CHDH: variants seen among roughly 807,000 people sequenced by gnomAD.
CHDH encodes choline dehydrogenase, also known as choline dehydrogenase, mitochondrial.
CHDH carries 43 observed loss-of-function variants against 56.9 expected under a neutral mutation model. That is an observed-to-expected ratio of 0.76 (90% CI 0.59 to 0.97). CHDH has a LOEUF of 0.97. Among genes scored for constraint, CHDH ranks in the 50% least tolerant of loss-of-function variants. The pLI is 0.00. For synonymous variants in CHDH, 364 were observed against 348.5 expected (o/e 1.04, Z -0.50); for missense variants, 816 against 821.1 (o/e 0.99, Z 0.08).
intron 1 of CHDH, among the ~76,000 whole-genome samples, chr3:53,844,062 G>T (rs1698766298): frequency 6.6e-6 from 1 of 152,168 alleles, no homozygotes; most frequent in African/African-American, 2.4e-5. Flanking sequence ...ACCTCCAGTT[G>T]TGGCTACAGG....
Position 53,823,999 on chromosome 3 carries a change from G to T in CHDH, c.10C>A (p.Leu4Ile). MWC[L>I]LRGLGRPGAL... ...CCAGGCCGGCCCAGGCCTCGTAGGA[G>T]ACACCACATGCTTCTATCTAGTCCA... Residue 4 changes from leucine to isoleucine, a missense_variant, in exon 3 of 9, where the codon CTC (leucine) becomes ATC (isoleucine). Physicochemically the swap from Leu to Ile is conservative, Grantham distance 5. Coordinates refer to ENST00000315251, the MANE Select transcript of CHDH (RefSeq NM_018397.5). The T allele has an allele frequency of 2.0e-6, 3 of 1,481,718 alleles. No homozygotes were observed. The highest frequency in any genetic ancestry group is 2.7e-6 in the Non-Finnish European group (3 of 1,126,096). 91.8% of individuals were successfully genotyped at this position (1,481,718 alleles called of 1,614,324 possible). A position where few individuals can be genotyped will look rare whatever the true frequency, so the allele number is the denominator to read the frequency against.
chr3:53,839,223 C>A (rs1179642829), intron 2 of CHDH, among the ~76,000 whole-genome samples: 1 of 152,220 alleles, frequency 6.6e-6, no homozygotes, highest in African/African-American at 2.4e-5. Flanking sequence ...TATAAAACAT[C>A]CTTGCCCAAA....
At chr3:53,838,003 G>A (rs112186512) in intron 2 of CHDH, among the ~76,000 whole-genome samples, 7,755 of 131,638 alleles carry the variant, frequency 0.059, 731 homozygotes, top group African/African-American at 0.2. Flanking sequence ...GTTGCCATGA[G>A]CCAAGATCGT....
intron 1 of CHDH, among the ~76,000 whole-genome samples, chr3:53,843,187 C>G (rs116147287): frequency 9.1e-5 from 2 of 21,872 alleles, no homozygotes; most frequent in East Asian, 3.2e-3. Context: ...TCCCCCCCCA[C>G]CTTTTTTTTT....
At chr3:53,820,373 C>G (rs555617308) in intron 6 of CHDH, 101 bp downstream of exon 6, 5 of 1,381,250 alleles carry the variant, frequency 3.6e-6, no homozygotes, top group Admixed American at 2.3e-5. Flanking sequence ...GGCATAGTTC[C>G]GCATCAAACC....
At chr3:53,836,303 C>T (rs1473978877) in intron 2 of CHDH, among the ~76,000 whole-genome samples, 2 of 152,202 alleles carry the variant, frequency 1.3e-5, no homozygotes, top group African/African-American at 2.4e-5. Context: ...CCTCATGGCC[C>T]CCCAGGCCCT....
intron 1 of CHDH, among the ~76,000 whole-genome samples, chr3:53,845,765 G>T (rs1371274625): frequency 6.6e-6 from 1 of 152,210 alleles, no homozygotes; most frequent in African/African-American, 2.4e-5. Context: ...GACGGCTTCC[G>T]CTTTGGGAGC....
chr3:53,843,027 C>A (rs2106989526), intron 1 of CHDH, among the ~76,000 whole-genome samples: 1 of 152,276 alleles, frequency 6.6e-6, no homozygotes, highest in South Asian at 2.1e-4. Context: ...CTGGAAAATT[C>A]CACCTGTGTG....
chr3:53,835,774 G>A (rs1477894347), intron 2 of CHDH, among the ~76,000 whole-genome samples: 5 of 152,162 alleles, frequency 3.3e-5, no homozygotes, highest in Non-Finnish European at 5.9e-5. Flanking sequence ...ACGTCACATG[G>A]GTTATCACAT....
rs1284336141 is a variant in CHDH at position 53,823,493 on chromosome 3, G to A, written c.516C>T (p.Gly172=). The A allele has an allele frequency of 1.9e-6, 3 of 1,544,258 alleles. No individual in the cohort carries two copies. The highest frequency in any genetic ancestry group is 2.6e-6 in the Non-Finnish European group (3 of 1,146,118). ...GGTACCGGCTGGCGCCCAGCTCGTG[G>A]CCCTGCGCCTTGCGGAAGTAGGGCA... ...HCLPYFRKAQ[G]HELGASRYRG... is the part of the protein sequence containing the mutation. The change falls in exon 3 of 9, where the codon GGC becomes GGT. Residue 172 remains glycine (G), a synonymous_variant. Coordinates refer to ENST00000315251, the MANE Select transcript of CHDH (RefSeq NM_018397.5).
chr3:53,828,344 G>T (rs1698219045), intron 2 of CHDH, among the ~76,000 whole-genome samples: 1 of 152,144 alleles, frequency 6.6e-6, no homozygotes, highest in Admixed American at 6.5e-5. Flanking sequence ...GCTTGACGAT[G>T]ACTTTATATA....
At chr3:53,822,754 C>A in intron 3 of CHDH, 112 bp from the exon 4 acceptor site, 1 of 1,334,854 alleles carries the variant, frequency 7.5e-7, no homozygotes, top group South Asian at 1.4e-5. Context: ...GACTGCAAGT[C>A]CCGCCTTCAA....
intron 2 of CHDH, among the ~76,000 whole-genome samples, chr3:53,835,916 G>A (rs1698478514): frequency 6.6e-6 from 1 of 152,146 alleles, no homozygotes; most frequent in Admixed American, 6.5e-5. Flanking sequence ...CAAAGGCTGG[G>A]ACCCCCTCCA....
At chr3:53,843,446 G>A (rs377238597) in intron 1 of CHDH, among the ~76,000 whole-genome samples, 2 of 152,078 alleles carry the variant, frequency 1.3e-5, no homozygotes, top group Non-Finnish European at 2.9e-5. Context: ...GCATCTCACC[G>A]CGCTGTGGCT....
At chr3:53,840,824 G>A (rs925140741) in intron 2 of CHDH, 105 bp downstream of exon 2, 2 of 152,188 alleles carry the variant, frequency 1.3e-5, no homozygotes, top group African/African-American at 4.8e-5. Context: ...GATTTCCAAC[G>A]ATTCCCCAGA....
rs181618531 is a variant in CHDH at position 53,842,441 on chromosome 3, C to G, written c.-130-1442G>C. On this transcript the variant is annotated intron_variant, in intron 1 of 8. Coordinates refer to ENST00000315251, the MANE Select transcript of CHDH (RefSeq NM_018397.5). ...GCCCTATGAGGCTAACTTCATCACC[C>G]CTGTTTACAGATGGAGCTTTGAGAG... Among the ~76,000 whole-genome samples, 12 of 152,308 alleles carry G rather than the reference C, an allele frequency of 7.9e-5. No individual in the cohort carries two copies. The East Asian group carries it at 1.9e-3, about 24-fold the overall frequency.
At chr3:53,830,194 T>C (rs1054365279) in intron 2 of CHDH, among the ~76,000 whole-genome samples, 1 of 152,102 alleles carries the variant, frequency 6.6e-6, no homozygotes, top group African/African-American at 2.4e-5. Flanking sequence ...GCAGGCATTT[T>C]TTTTTTTGGT....
In CHDH at chr3:53,817,430, C is replaced by T. The variant is rs2095617754; in HGVS notation, c.*347G>A. The T allele has an allele frequency of 7.8e-6, 2 of 257,078 alleles. No individual in the cohort carries two copies. The highest frequency in any genetic ancestry group is 4.9e-5 in the Admixed American group (1 of 20,318). 15.9% of individuals were successfully genotyped at this position (257,078 alleles called of 1,614,324 possible). A position where few individuals can be genotyped will look rare whatever the true frequency, so the allele number is the denominator to read the frequency against. ...CCTCTGTGCATGGCCTGGGAAGGAA[C>T]CACTGCCCTGGGTTAGAGAATGCCA... On this transcript the variant is annotated 3_prime_UTR_variant, in exon 9 of 9. Coordinates refer to ENST00000315251, the MANE Select transcript of CHDH (RefSeq NM_018397.5).
chr3:53,841,841 A>G (rs1698677914), intron 1 of CHDH, among the ~76,000 whole-genome samples: 1 of 152,184 alleles, frequency 6.6e-6, no homozygotes, highest in Non-Finnish European at 1.5e-5. Context: ...AATCACAAAT[A>G]TAAAGTTATA....
Sources: gnomAD v4.1 joint callset for allele counts (sites outside exome capture counted in the v4.1 genomes callset) on GRCh38, gnomAD v4.1.1 for gene constraint, MANE v1.5 for transcripts, NCBI Gene and HGNC (gene_info 2026-07-23, HGNC 2026-07-21) for gene names.